Variants in FAM161A observed in about 807,000 individuals in gnomAD.
The protein encoded by FAM161A is FAM161 centrosomal protein A.
In FAM161A, 57 loss-of-function variants were observed where a neutral mutation model predicts 70.9. The ratio of observed to expected loss-of-function variants is 0.80; its 90% CI spans 0.65 to 1.00. FAM161A has a LOEUF of 1.00. FAM161A is among the 50% of genes least tolerant of loss of function. The pLI is 0.00. For synonymous variants in FAM161A, 299 were observed against 295.7 expected, an observed-to-expected ratio of 1.01 and a Z score of -0.12; for missense variants, 880 against 836.0, an observed-to-expected ratio of 1.05 and a Z score of -0.65.
chr2:61,837,900 CAT>C (rs1672834558), intron 4 of FAM161A, among the ~76,000 whole-genome samples: 1 of 152,040 alleles, frequency 6.6e-6, no homozygotes, highest in Admixed American at 6.6e-5. Flanking sequence ...AGCACATATG[CAT>C]ATTTAGAAAT....
the FAM161A span, among the ~76,000 whole-genome samples, chr2:61,809,407 G>C: frequency 6.6e-6 from 1 of 152,124 alleles, no homozygotes; most frequent in South Asian, 2.1e-4. Flanking sequence ...CTCCCAAATT[G>C]AGTATCTCCA....
the FAM161A span, among the ~76,000 whole-genome samples, chr2:61,806,286 G>A: frequency 1.2e-4 from 19 of 152,132 alleles, no homozygotes; most frequent in African/African-American, 4.3e-4. Context: ...TTTTGAGGGC[G>A]CCATCGCTAC....
downstream of FAM161A, chr2:61,820,391 T>A (rs1572848617): frequency 2.6e-6 from 2 of 757,574 alleles, no homozygotes; most frequent in Non-Finnish European, 4.8e-6. Flanking sequence ...TATGCCACTG[T>A]GGAGGAGGTG....
In FAM161A at chr2:61,853,945, C is replaced by A; in HGVS notation, c.97G>T (p.Glu33Ter). The change falls in exon 1 of 7, where the codon GAA (glutamate) becomes TAA (stop). Residue 33 changes from glutamate to a stop codon, truncating the protein, a stop_gained. Transcript: ENST00000404929. LOFTEE classifies it high-confidence loss of function. ...TGARVAQYER[E>*]DPLKALAAAE... ...GCCGCCAGGGCCTTTAAGGGGTCTT[C>A]GCGTTCGTACTGGGCGACCCGCGCT... 5 of 1,613,950 alleles carry A rather than the reference C, an allele frequency of 3.1e-6. No individual in the cohort carries two copies. The highest frequency in any genetic ancestry group is 3.4e-6 in the Non-Finnish European group (4 of 1,179,848).
In FAM161A at chr2:61,828,883, T is replaced by C. The variant is rs10189175; in HGVS notation, c.1852-1625A>G. Among the ~76,000 whole-genome samples the C allele has an allele frequency of 5.4e-4, 82 of 152,324 alleles. 2 individuals are homozygous for C. Among genetic ancestry groups the C allele is most frequent in the African/African-American group, 1.9e-3 (78 of 41,584 alleles). On this transcript the variant is annotated intron_variant, in intron 5 of 6. Coordinates refer to ENST00000404929, the MANE Select transcript of FAM161A (RefSeq NM_001201543.2). ...TGGCAGGCTTTATGGAGCCACATAG[T>C]GACTGGGTTCACACTAGTGCCTCCA... is the stretch of plus-strand genomic sequence containing the variant.
the FAM161A span, among the ~76,000 whole-genome samples, chr2:61,813,421 G>A: frequency 1.2e-4 from 18 of 151,782 alleles, 1 homozygote; most frequent in South Asian, 1.0e-3. Context: ...GGTGATGCAC[G>A]TCTGTAGTAC....
the FAM161A span, among the ~76,000 whole-genome samples, chr2:61,802,770 T>C: frequency 1.8e-3 from 267 of 152,330 alleles, no homozygotes; most frequent in African/African-American, 5.7e-3. Context: ...GGCACTATAG[T>C]TGCTACGGGT....
chr2:61,842,451 C>T (rs1340676467), intron 1 of FAM161A, 91 bp from the exon 2 acceptor site: 2 of 755,200 alleles, frequency 2.6e-6, no homozygotes, highest in Non-Finnish European at 4.5e-6. Context: ...CTTAAAGAGT[C>T]CACCTAGTTA....
At chr2:61,817,417 G>A in the FAM161A span, among the ~76,000 whole-genome samples, 1 of 152,144 alleles carries the variant, frequency 6.6e-6, no homozygotes, top group African/African-American at 2.4e-5. Flanking sequence ...AAAAACAATG[G>A]TGATCTAACC....
At chr2:61,803,483 G>C in the FAM161A span, 1 of 587,310 alleles carries the variant, frequency 1.7e-6, no homozygotes. Flanking sequence ...TAAAGATATT[G>C]CAAGGATGTT....
At chr2:61,835,874 A>C (rs539433652) in intron 5 of FAM161A, 136 bp downstream of exon 5, 71 of 731,066 alleles carry the variant, frequency 9.7e-5, no homozygotes, top group Non-Finnish European at 1.6e-4. Flanking sequence ...TGATATGATG[A>C]AGCCAACACA....
chr2:61,827,481 C>G (rs535647372), intron 5 of FAM161A, among the ~76,000 whole-genome samples: 25 of 151,742 alleles, frequency 1.6e-4, no homozygotes, highest in Non-Finnish European at 2.8e-4. Context: ...GTGGTGGTGG[C>G]CGCCTGTAGT....
At chr2:61,815,980 G>A in the FAM161A span, among the ~76,000 whole-genome samples, 3 of 152,166 alleles carry the variant, frequency 2.0e-5, no homozygotes, top group African/African-American at 7.2e-5. Flanking sequence ...TTCATCCTTA[G>A]GCTTCTATGG....
chr2:61,851,743 T>C (rs1673504612), intron 1 of FAM161A, among the ~76,000 whole-genome samples: 1 of 139,830 alleles, frequency 7.2e-6, no homozygotes, highest in Non-Finnish European at 1.5e-5. Context: ...ATATGGGCAC[T>C]GCAAGGGGGG....
chr2:61,803,877 T>C, the FAM161A span, among the ~76,000 whole-genome samples: 1 of 152,282 alleles, frequency 6.6e-6, no homozygotes, highest in African/African-American at 2.4e-5. Context: ...ATCTCAATGT[T>C]ACAGGAAAGG....
In FAM161A at chr2:61,839,470, T is replaced by G. The variant is rs756552796; in HGVS notation, c.1534A>C (p.Asn512His). 1.8e-5 allele frequency: 29 copies of G among 1,614,184 alleles called. No homozygotes were observed. In the Admixed American group the frequency reaches 4.7e-4, roughly 26 times the overall value. The change falls in exon 3 of 7, where the codon AAC becomes CAC. Residue 512 changes from asparagine (N) to histidine (H), a missense_variant. Coordinates refer to ENST00000404929, the MANE Select transcript of FAM161A (RefSeq NM_001201543.2). The part of the protein sequence containing the change: ...AGVNPVPCNC[N>H]PPVPTVSSRG... ...GAAGATACCGTGGGCACGGGAGGGT[T>G]GCAGTTACAAGGCACAGGGTTTACA...
chr2:61,822,799 A>G (rs1672230763), downstream of FAM161A, among the ~76,000 whole-genome samples: 3 of 151,942 alleles, frequency 2.0e-5, no homozygotes, highest in South Asian at 6.3e-4. Context: ...CATGTTGGCC[A>G]GGCTGGTCTC....
chr2:61,819,619 T>G, the FAM161A span, among the ~76,000 whole-genome samples: 1 of 152,122 alleles, frequency 6.6e-6, no homozygotes, highest in African/African-American at 2.4e-5. Flanking sequence ...TAGTGAACAT[T>G]TTTTTTAACT....
the FAM161A span, among the ~76,000 whole-genome samples, chr2:61,809,431 T>G: frequency 2.6e-5 from 4 of 152,220 alleles, no homozygotes; most frequent in African/African-American, 9.6e-5. Context: ...CAGACCTCCC[T>G]TCTGAATTCC....
Sources: gnomAD v4.1 joint callset for allele counts (sites outside exome capture counted in the v4.1 genomes callset) on GRCh38, gnomAD v4.1.1 for gene constraint, MANE v1.5 for transcripts, NCBI Gene and HGNC (gene_info 2026-07-23, HGNC 2026-07-21) for gene names.